CDKL5: variants seen among roughly 807,000 people sequenced by gnomAD.
CDKL5 encodes the protein cyclin-dependent kinase-like 5.
In CDKL5, 8 loss-of-function variants were observed where a neutral mutation model predicts 61.7. The observed-to-expected ratio is 0.13, with a 90% CI of 0.08 to 0.23. The LOEUF is 0.23. CDKL5 is among the 10% of genes least tolerant of loss of function. The probability of loss-of-function intolerance (pLI) is 1.00; values close to 1 mark genes in which losing one functional copy is unlikely to be tolerated. For synonymous variants in CDKL5, 275 were observed against 272.3 expected (o/e 1.01, Z -0.10); for missense variants, 440 against 734.5 (o/e 0.60, Z 4.63).
chrX:18,477,734 T>G (rs111550467), intron 1 of CDKL5, among the ~76,000 whole-genome samples: 2 of 112,098 alleles, frequency 1.8e-5, no homozygotes, highest in African/African-American at 6.5e-5. Flanking sequence ...CTCTATTCTC[T>G]CTTCCTTTTT....
rs2147145573 is a variant in CDKL5 at position 18,584,329 on chromosome X, A to G, written c.530A>G (p.Tyr177Cys). 1 of 1,193,867 alleles carries G rather than the reference A, an allele frequency of 8.4e-7. No individual in the cohort carries two copies. Residue 177 changes from tyrosine (Y) to cysteine (C), a missense_variant, in exon 8 of 18, where the codon TAT becomes TGT. Tyr to Cys is a radical substitution (Grantham distance 194, BLOSUM62 -2). This residue lies in a region of CDKL5 where 77 missense variants were observed against 218.2 expected (regional missense o/e 0.35). Coordinates refer to ENST00000623535, the MANE Select transcript of CDKL5 (RefSeq NM_001323289.2). ...NYTEYVATRWYRSPELLLGAP... is the reference protein window; with the variant it reads ...NYTEYVATRWCRSPELLLGAP... ...ACAGAGTACGTTGCCACCAGATGGTATCGGTCCCCAGAACTCTTACTTGGG... is the reference window on the plus strand; with the variant it reads ...ACAGAGTACGTTGCCACCAGATGGTGTCGGTCCCCAGAACTCTTACTTGGG...
At chrX:18,459,812 C>G (rs1293120847) in intron 1 of CDKL5, among the ~76,000 whole-genome samples, 7 of 92,344 alleles carry the variant, frequency 7.6e-5, no homozygotes, top group African/African-American at 2.9e-4. Flanking sequence ...TCAAGTGATT[C>G]TCCTACCTTA....
Position 18,575,373 on chromosome X carries a change from A to G in CDKL5, c.165A>G (p.Glu55=). The G allele has an allele frequency of 8.3e-7, 1 of 1,208,015 alleles. No individual in the cohort carries two copies. Among genetic ancestry groups the G allele is most frequent in the Non-Finnish European group, 1.1e-6 (1 of 892,539 alleles). ...KDSEENEEVK[E]TTLRELKMLR... ...TTCTAGAAAATGAAGAAGTCAAAGA[A>G]ACGACTTTACGAGAGCTTAAAATGC... The change falls in exon 5 of 18, where the codon GAA becomes GAG. Residue 55 remains glutamate, a synonymous_variant. Transcript: ENST00000623535.
rs527381160 is a variant in CDKL5, at chrX:18,558,687, G to A, written c.100-5790G>A. Reference sequence around the variant, plus strand: ...CAGATATCCAAAGGGAGTAGGAAATGCCTTGGACCCATGCTCACAGGAACT... The same window carrying A: ...CAGATATCCAAAGGGAGTAGGAAATACCTTGGACCCATGCTCACAGGAACT... On this transcript the variant is annotated intron_variant, in intron 3 of 17. Coordinates refer to ENST00000623535, the MANE Select transcript of CDKL5 (RefSeq NM_001323289.2). 6.3e-5 allele frequency among the ~76,000 whole-genome samples: 7 copies of A among 111,796 alleles called. No homozygotes were observed. In the South Asian group the frequency reaches 2.6e-3, roughly 42 times the overall value.
chrX:18,512,437 G>A (rs1057499170), intron 3 of CDKL5, among the ~76,000 whole-genome samples: 1 of 110,905 alleles, frequency 9.0e-6, no homozygotes, highest in African/African-American at 3.3e-5. Flanking sequence ...CTTTCCTATT[G>A]TACAAAATAC....
At chrX:18,457,076 A>G (rs1932159942) in intron 1 of CDKL5, among the ~76,000 whole-genome samples, 1 of 109,519 alleles carries the variant, frequency 9.1e-6, no homozygotes. Context: ...AGTATCTAGT[A>G]TATAGTTTTC....
At chrX:18,495,682 TC>T (rs1221895060) in intron 1 of CDKL5, among the ~76,000 whole-genome samples, 1 of 111,738 alleles carries the variant, frequency 8.9e-6, no homozygotes, top group Non-Finnish European at 1.9e-5. Context: ...CCTTCTGTGT[TC>T]CTTGAATTTA....
chrX:18,594,539 C>A (rs1437435650), intron 9 of CDKL5, among the ~76,000 whole-genome samples: 1 of 111,985 alleles, frequency 8.9e-6, no homozygotes, highest in Non-Finnish European at 1.9e-5. Flanking sequence ...TAGGTACTGG[C>A]CACTTACTTT....
intron 1 of CDKL5, among the ~76,000 whole-genome samples, chrX:18,477,188 TC>T (rs1367073999): frequency 3.6e-5 from 4 of 112,001 alleles, no homozygotes; most frequent in African/African-American, 1.3e-4. Flanking sequence ...TGTGTCAGCC[TC>T]CCGAGTAGCT....
intron 1 of CDKL5, among the ~76,000 whole-genome samples, chrX:18,439,485 C>A (rs1157502900): frequency 2.7e-5 from 3 of 110,198 alleles, no homozygotes; most frequent in Non-Finnish European, 5.7e-5. Flanking sequence ...TAGACCACCA[C>A]CATAAAGCAA....
chrX:18,543,743 A>G (rs906386448), intron 3 of CDKL5, among the ~76,000 whole-genome samples: 1 of 111,707 alleles, frequency 9.0e-6, no homozygotes, highest in African/African-American at 3.3e-5. Flanking sequence ...AATAGCTGAT[A>G]GTTTTGTAGA....
chrX:18,632,905 A>G lies in CDKL5; in HGVS notation c.*4148A>G, dbSNP rs1040923626. On this transcript the variant is annotated 3_prime_UTR_variant, in exon 18 of 18. Transcript: ENST00000623535. Reference sequence around the variant, plus strand: ...AAAAGCCATTTATTTTCTTCTAGCCATGTATTATTGAGAATGACTCATAGT... The same window carrying G: ...AAAAGCCATTTATTTTCTTCTAGCCGTGTATTATTGAGAATGACTCATAGT... The G allele has an allele frequency of 2.7e-6, 2 of 749,886 alleles. No homozygotes were observed. Among genetic ancestry groups the G allele is most frequent in the African/African-American group, 2.3e-5 (1 of 43,321 alleles). The allele number at this position is 749,886 out of a possible 1,213,427, so 61.8% of individuals were successfully genotyped here. A position where few individuals can be genotyped will look rare whatever the true frequency, so the allele number is the denominator to read the frequency against.
At chrX:18,466,498 T>G (rs1367894981) in intron 1 of CDKL5, among the ~76,000 whole-genome samples, 3 of 111,099 alleles carry the variant, frequency 2.7e-5, no homozygotes, top group East Asian at 5.7e-4. Context: ...AGCCATAAGG[T>G]GTCTCTGATG....
At chrX:18,593,833 G>A (rs1925905160) in intron 9 of CDKL5, among the ~76,000 whole-genome samples, 1 of 112,441 alleles carries the variant, frequency 8.9e-6, no homozygotes, top group Non-Finnish European at 1.9e-5. Flanking sequence ...GGAAGGTGCT[G>A]TCCTACTTTT....
chrX:18,653,528 C>T, exon 22 of CDKL5: 1 of 1,211,816 alleles, frequency 8.3e-7, no homozygotes, highest in Non-Finnish European at 1.1e-6. Flanking sequence ...GAGAATGCGG[C>T]ACTGACGGGC....
chrX:18,539,830 C>A (rs1923959672), intron 3 of CDKL5, among the ~76,000 whole-genome samples: 2 of 111,579 alleles, frequency 1.8e-5, no homozygotes, highest in South Asian at 7.4e-4. Flanking sequence ...AGTTACTGAT[C>A]TAGGTATTAA....
At chrX:18,479,412 C>T (rs966500247) in intron 1 of CDKL5, among the ~76,000 whole-genome samples, 5 of 104,821 alleles carry the variant, frequency 4.8e-5, no homozygotes, top group African/African-American at 1.8e-4. Context: ...CTCCGCCTCC[C>T]AAGTTCACGC....
chrX:18,544,119 C>G (rs1924115479), intron 3 of CDKL5, among the ~76,000 whole-genome samples: 1 of 112,330 alleles, frequency 8.9e-6, no homozygotes, highest in Admixed American at 9.4e-5. Flanking sequence ...CTGAACACCC[C>G]TCTCTGCCTC....
chrX:18,453,227 G>A (rs1602199613), intron 1 of CDKL5, among the ~76,000 whole-genome samples: 1 of 111,494 alleles, frequency 9.0e-6, no homozygotes. Context: ...ACTATCTCCT[G>A]TATAAAACAT....
Sources: allele counts gnomAD v4.1 joint callset (sites outside exome capture counted in the v4.1 genomes callset), GRCh38; gene constraint gnomAD v4.1.1; regional missense constraint gnomAD v4.1.1; transcripts MANE v1.5; gene names NCBI Gene and HGNC (gene_info 2026-07-23, HGNC 2026-07-21).